Variants in BLOC1S2 observed in about 807,000 individuals in gnomAD.
BLOC1S2 encodes biogenesis of lysosome-related organelles complex 1 subunit 2.
BLOC1S2 carries 12 observed loss-of-function variants against 19.6 expected under a neutral mutation model. The ratio of observed to expected loss-of-function variants is 0.61; its 90% CI spans 0.39 to 0.99. The LOEUF is 0.99. Among genes scored for constraint, BLOC1S2 ranks in the 50% least tolerant of loss-of-function variants. The probability of loss-of-function intolerance (pLI) is 0.00; values close to 1 mark genes in which losing one functional copy is unlikely to be tolerated. For synonymous variants in BLOC1S2, 66 were observed against 64.1 expected (o/e 1.03, Z -0.14); for missense variants, 142 against 171.0 (o/e 0.83, Z 0.95).
intron 4 of BLOC1S2, among the ~76,000 whole-genome samples, chr10:100,278,359 A>G (rs4917893): frequency 0.037 from 3,874 of 104,356 alleles, no homozygotes; most frequent in South Asian, 0.079. Context: ...AGAATGGGCC[A>G]TGATGACGAT....
chr10:100,276,971 G>T (rs1479718901), intron 4 of BLOC1S2, among the ~76,000 whole-genome samples: 1 of 151,594 alleles, frequency 6.6e-6, no homozygotes, highest in Non-Finnish European at 1.5e-5. Flanking sequence ...CCCATCGTCT[G>T]GGATGTGAGG....
At chr10:100,282,795 A>T (rs1330843715) in intron 2 of BLOC1S2, 2 of 397,552 alleles carry the variant, frequency 5.0e-6, no homozygotes, top group Non-Finnish European at 4.4e-6. Context: ...ATTTGCTTAA[A>T]ATTAATTATA....
intron 2 of BLOC1S2, among the ~76,000 whole-genome samples, chr10:100,285,694 G>A (rs750933108): frequency 1.3e-4 from 20 of 152,080 alleles, no homozygotes; most frequent in Non-Finnish European, 1.9e-4. Flanking sequence ...GTCACTCCCC[G>A]TTCCTCAATT....
At position 100,280,106 on chromosome 10, in the gene BLOC1S2, A is replaced by G; in HGVS notation, c.397+18T>C. On this transcript the variant is annotated intron_variant, in intron 4 of 4. Coordinates refer to ENST00000370372, the MANE Select transcript of BLOC1S2 (RefSeq NM_173809.5). The stretch of plus-strand genomic sequence containing the variant: ...GAAGCAGTCTTTATTACATCAAAAC[A>G]GAAGTAAAAACGGTTACCCAGTTTT... 1 of 1,591,446 alleles carries G rather than the reference A, an allele frequency of 6.3e-7. No individual in the cohort carries two copies. The highest frequency in any genetic ancestry group is 8.6e-7 in the Non-Finnish European group (1 of 1,160,660).
chr10:100,277,707 G>A (rs1160421444), intron 4 of BLOC1S2, among the ~76,000 whole-genome samples: 10 of 136,066 alleles, frequency 7.3e-5, no homozygotes, highest in Admixed American at 7.0e-5. Context: ...GAGGGAGGTG[G>A]GGGGCTCAGC....
At position 100,274,980 on chromosome 10, in the gene BLOC1S2, A is replaced by G. The variant is rs1263088858; in HGVS notation, c.*482T>C. 2 of 398,824 alleles carry G rather than the reference A, an allele frequency of 5.0e-6. No homozygotes were observed. Among genetic ancestry groups the G allele is most frequent in the Non-Finnish European group, 8.8e-6 (2 of 226,148 alleles). The allele number at this position is 398,824 out of a possible 1,614,324, so 24.7% of individuals were successfully genotyped here. On this transcript the variant is annotated 3_prime_UTR_variant, in exon 5 of 5. Transcript: ENST00000370372. Reference sequence around the variant, plus strand: ...GGAAAAGTAAGTTACCGACATTCACAAGGTGATAAGCTGCAAAGAACAAGT... The same window carrying G: ...GGAAAAGTAAGTTACCGACATTCACGAGGTGATAAGCTGCAAAGAACAAGT...
intron 4 of BLOC1S2, among the ~76,000 whole-genome samples, chr10:100,277,711 G>A (rs1373047374): frequency 8.4e-5 from 11 of 130,852 alleles, no homozygotes; most frequent in Admixed American, 7.2e-5. Context: ...GAGGTGGGGG[G>A]CTCAGCCCCC....
chr10:100,277,420 C>A (rs1249171529), intron 4 of BLOC1S2, among the ~76,000 whole-genome samples: 24 of 146,090 alleles, frequency 1.6e-4, no homozygotes, highest in East Asian at 4.1e-4. Context: ...GTGAGGAGCC[C>A]CTCTGCCCAG....
intron 4 of BLOC1S2, 125 bp from the exon 5 acceptor site, chr10:100,275,618 C>G (rs547443009): frequency 1.2e-6 from 1 of 818,388 alleles, no homozygotes; most frequent in East Asian, 2.6e-5. Flanking sequence ...TAGCTTCAAT[C>G]TCATCATCTG....
chr10:100,279,833 A>G (rs1300068495), intron 4 of BLOC1S2, among the ~76,000 whole-genome samples: 1 of 152,180 alleles, frequency 6.6e-6, no homozygotes, highest in Non-Finnish European at 1.5e-5. Context: ...GTGAGCCGAG[A>G]TCGCACCATT....
At chr10:100,282,719 T>C (rs1848138920) in intron 2 of BLOC1S2, among the ~76,000 whole-genome samples, 1 of 152,202 alleles carries the variant, frequency 6.6e-6, no homozygotes, top group Non-Finnish European at 1.5e-5. Context: ...AGAGGAAATA[T>C]CAATTTACTC....
chr10:100,281,383 CATATA>C (rs1159863751), intron 2 of BLOC1S2, among the ~76,000 whole-genome samples: 4 of 152,062 alleles, frequency 2.6e-5, no homozygotes, highest in Non-Finnish European at 2.9e-5. Context: ...AACTTATATA[CATATA>C]ATATATATAC....
chr10:100,278,780 C>A (rs1359129959), intron 4 of BLOC1S2, among the ~76,000 whole-genome samples: 1 of 150,418 alleles, frequency 6.6e-6, no homozygotes, highest in Non-Finnish European at 1.5e-5. Flanking sequence ...CCAAATCCCC[C>A]TCTGTGAGAA....
In BLOC1S2 at chr10:100,280,812, T is replaced by A. The variant is rs1406647131; in HGVS notation, c.292+122A>T. 6.9e-6 allele frequency: 9 copies of A among 1,301,640 alleles called. No individual in the cohort carries two copies. In the East Asian group the frequency reaches 2.4e-4, roughly 35 times the overall value. The allele number at this position is 1,301,640 out of a possible 1,614,324, so 80.6% of individuals were successfully genotyped here. ...GAAGAAATTCATCTTAAATTTGGAA[T>A]TCATTTTTAGAAAACAAGCTCCCAC... On this transcript the variant is annotated intron_variant, in intron 3 of 4. Transcript: ENST00000370372.
intron 2 of BLOC1S2, 63 bp downstream of exon 2, chr10:100,286,034 G>C (rs1848225759): frequency 1.9e-6 from 3 of 1,588,890 alleles, no homozygotes; most frequent in Non-Finnish European, 2.6e-6. Flanking sequence ...GACTGATGCT[G>C]CTAACCATCT....
At chr10:100,276,326 T>TCC (rs1461587878) in intron 4 of BLOC1S2, among the ~76,000 whole-genome samples, 624 of 54,176 alleles carry the variant, frequency 0.012, 114 homozygotes, top group East Asian at 0.062. Flanking sequence ...CGTCTCCCTC[T>TCC]CTCTCTCCCG....
At chr10:100,277,571 C>T (rs1477739402) in intron 4 of BLOC1S2, among the ~76,000 whole-genome samples, 1 of 119,962 alleles carries the variant, frequency 8.3e-6, no homozygotes, top group Non-Finnish European at 1.8e-5. Context: ...GTCAGCCCCC[C>T]GCCCGGCCAG....
chr10:100,276,328 T>TCTCTCCCGTCTCCCTCTCCCGTCTCC (rs1564870942), intron 4 of BLOC1S2, among the ~76,000 whole-genome samples: 2 of 36,212 alleles, frequency 5.5e-5, no homozygotes, highest in East Asian at 4.3e-4. Context: ...TCTCCCTCTC[T>TCTCTCCCGTCTCCCTCTCCCGTCTCC]CTCTCCCGTC....
chr10:100,277,102 G>C (rs529270119), intron 4 of BLOC1S2, among the ~76,000 whole-genome samples: 5 of 151,642 alleles, frequency 3.3e-5, no homozygotes, highest in African/African-American at 1.2e-4. Context: ...AGTGAGGAGC[G>C]TCTCTGCCCG....
Sources: gnomAD v4.1 joint callset for allele counts (sites outside exome capture counted in the v4.1 genomes callset) on GRCh38, gnomAD v4.1.1 for gene constraint, MANE v1.5 for transcripts, NCBI Gene and HGNC (gene_info 2026-07-23, HGNC 2026-07-21) for gene names.